The following TMEM163 variants were observed in gnomAD, a reference collection of about 807,000 sequenced individuals.
TMEM163 encodes the protein transmembrane protein 163.
TMEM163 carries 17 observed loss-of-function variants against 29.3 expected under a neutral mutation model. The observed-to-expected ratio is 0.58, with a 90% CI of 0.40 to 0.87. The LOEUF (loss-of-function observed/expected upper bound fraction) is 0.87, where lower values mean the gene tolerates loss of function less well. Ranked by LOEUF, TMEM163 falls within the 40% of genes least tolerant of loss-of-function variation. The probability of loss-of-function intolerance (pLI) is 0.00; values close to 1 mark genes in which losing one functional copy is unlikely to be tolerated. For synonymous variants in TMEM163, 157 were observed against 160.6 expected, an observed-to-expected ratio of 0.98 and a Z score of 0.17; for missense variants, 303 against 381.5, an observed-to-expected ratio of 0.79 and a Z score of 1.71.
intron 2 of TMEM163, among the ~76,000 whole-genome samples, chr2:134,651,712 G>A (rs1574311308): frequency 6.2e-5 from 5 of 81,144 alleles, no homozygotes; most frequent in East Asian, 5.7e-4. Flanking sequence ...ATCTTGAATT[G>A]ATTTTTGTAT....
At chr2:134,458,896 G>A (rs1398720869) in intron 6 of TMEM163, 1 of 152,088 alleles carries the variant, frequency 6.6e-6, no homozygotes, top group Non-Finnish European at 1.5e-5. Context: ...CAGAACTGGA[G>A]CTACTAGATA....
intron 5 of TMEM163, among the ~76,000 whole-genome samples, chr2:134,498,574 C>A (rs946116241): frequency 6.6e-6 from 1 of 152,106 alleles, no homozygotes; most frequent in South Asian, 2.1e-4. Flanking sequence ...TTAGGTGATC[C>A]GCCTGTCTCG....
At chr2:134,461,506 G>GT (rs1346271577) in intron 6 of TMEM163, among the ~76,000 whole-genome samples, 2 of 152,130 alleles carry the variant, frequency 1.3e-5, no homozygotes, top group Non-Finnish European at 2.9e-5. Context: ...CTGATTTGTA[G>GT]TGTGTGTTTG....
rs114318024 is a variant in TMEM163 at position 134,577,630 on chromosome 2, C to A, written c.323-25539G>T. Among the ~76,000 whole-genome samples, 502 of 152,294 alleles carry A rather than the reference C, an allele frequency of 3.3e-3. 4 individuals are homozygous for A. The highest frequency in any genetic ancestry group is 0.011 in the African/African-American group (474 of 41,556). On this transcript the variant is annotated intron_variant, in intron 2 of 7. Coordinates refer to ENST00000281924, the MANE Select transcript of TMEM163 (RefSeq NM_030923.5). ...AAGGGACCAGCCTCTCTCCTTTTCACACTGCAGGTCTCCGCAGGTGTTCCC... is the reference window on the plus strand; with the variant it reads ...AAGGGACCAGCCTCTCTCCTTTTCAAACTGCAGGTCTCCGCAGGTGTTCCC...
chr2:134,589,583 A>T (rs1574261686), intron 2 of TMEM163, among the ~76,000 whole-genome samples: 1 of 152,262 alleles, frequency 6.6e-6, no homozygotes, highest in East Asian at 1.9e-4. Context: ...GTTACCCTAT[A>T]AGGTCTAAAA....
chr2:134,471,920 C>T (rs185382175), intron 5 of TMEM163, among the ~76,000 whole-genome samples: 1 of 152,370 alleles, frequency 6.6e-6, no homozygotes, highest in Non-Finnish European at 1.5e-5. Flanking sequence ...TCTCTCATGT[C>T]CCTCAACAGT....
intron 2 of TMEM163, among the ~76,000 whole-genome samples, chr2:134,599,702 T>TA (rs1344654078): frequency 6.6e-6 from 1 of 151,232 alleles, no homozygotes; most frequent in Non-Finnish European, 1.5e-5. Context: ...TCTTTTTTTT[T>TA]TTTTTTTTTT....
intron 1 of TMEM163, 69 bp downstream of exon 1, chr2:134,718,665 G>T: frequency 9.3e-7 from 1 of 1,076,370 alleles, no homozygotes; most frequent in Non-Finnish European, 1.1e-6. Context: ...AGCGCGGCCC[G>T]CGAGTGGGGA....
chr2:134,515,770 G>A (rs1289949053), intron 4 of TMEM163, among the ~76,000 whole-genome samples: 3 of 152,252 alleles, frequency 2.0e-5, no homozygotes, highest in East Asian at 1.9e-4. Context: ...AACCCAGGGG[G>A]AAATTTTTGG....
intron 2 of TMEM163, among the ~76,000 whole-genome samples, chr2:134,683,848 C>G (rs1479536156): frequency 2.0e-5 from 3 of 148,094 alleles, no homozygotes; most frequent in Admixed American, 1.3e-4. Flanking sequence ...ACGTCAACAC[C>G]AAGGTCATCA....
chr2:134,630,978 A>G (rs1682954436), intron 2 of TMEM163, among the ~76,000 whole-genome samples: 1 of 151,806 alleles, frequency 6.6e-6, no homozygotes, highest in Non-Finnish European at 1.5e-5. Flanking sequence ...AAACATTTTG[A>G]CAGCCTCACT....
rs375556935 is a variant in TMEM163 at position 134,688,706 on chromosome 2, C to G, written c.322+24494G>C. ...GAGCAGCAATGGAAGAAATGACCTT[C>G]AATCTTCATCAAAGTATTAATCCTG... On this transcript the variant is annotated intron_variant, in intron 2 of 7. Coordinates refer to ENST00000281924, the MANE Select transcript of TMEM163 (RefSeq NM_030923.5). Among the ~76,000 whole-genome samples the G allele has an allele frequency of 8.5e-5, 13 of 152,328 alleles. No individual in the cohort carries two copies. In the East Asian group the frequency reaches 2.5e-3, roughly 29 times the overall value.
intron 4 of TMEM163, among the ~76,000 whole-genome samples, chr2:134,526,575 C>T (rs981183127): frequency 6.6e-6 from 1 of 152,204 alleles, no homozygotes; most frequent in African/African-American, 2.4e-5. Context: ...CAAGAAGGGG[C>T]TGAATTAAAA....
At chr2:134,507,848 C>A (rs1349385583) in intron 4 of TMEM163, among the ~76,000 whole-genome samples, 10 of 151,994 alleles carry the variant, frequency 6.6e-5, no homozygotes, top group Non-Finnish European at 1.3e-4. Context: ...TGGAGAGAGA[C>A]CCTGTCTCAC....
intron 2 of TMEM163, among the ~76,000 whole-genome samples, chr2:134,679,241 C>A (rs1684181320): frequency 6.6e-6 from 1 of 152,202 alleles, no homozygotes; most frequent in South Asian, 2.1e-4. Context: ...CGGAGCCATG[C>A]TGGGGCGCAC....
chr2:134,521,426 G>T (rs1387481846), intron 4 of TMEM163, among the ~76,000 whole-genome samples: 1 of 152,138 alleles, frequency 6.6e-6, no homozygotes, highest in Non-Finnish European at 1.5e-5. Flanking sequence ...CATAATTTGG[G>T]CAAGGGTGCT....
At chr2:134,490,419 T>G (rs1251363040) in intron 5 of TMEM163, among the ~76,000 whole-genome samples, 1 of 152,176 alleles carries the variant, frequency 6.6e-6, no homozygotes, top group Non-Finnish European at 1.5e-5. Flanking sequence ...GGGTCCCTCC[T>G]GAACACAACT....
chr2:134,579,123 G>A (rs116007593), intron 2 of TMEM163, among the ~76,000 whole-genome samples: 19 of 152,260 alleles, frequency 1.2e-4, no homozygotes, highest in African/African-American at 4.6e-4. Flanking sequence ...ATTTTTTACA[G>A]CAGGCTGTCA....
At chr2:134,598,383 T>G (rs1376392685) in intron 2 of TMEM163, among the ~76,000 whole-genome samples, 1 of 151,434 alleles carries the variant, frequency 6.6e-6, no homozygotes, top group East Asian at 1.9e-4. Flanking sequence ...GTACTATACA[T>G]TGTTCTAAGA....
Sources: allele counts gnomAD v4.1 joint callset (sites outside exome capture counted in the v4.1 genomes callset), GRCh38; gene constraint gnomAD v4.1.1; transcripts MANE v1.5; gene names NCBI Gene and HGNC (gene_info 2026-07-23, HGNC 2026-07-21).